ACTG2: variants seen among roughly 807,000 people sequenced by gnomAD.
ACTG2 encodes the protein actin gamma 2, smooth muscle.
Under a neutral mutation model 37.6 loss-of-function variants are expected in ACTG2, and 16 were observed. That is an observed-to-expected ratio of 0.43 (90% CI 0.29 to 0.65). ACTG2 has a LOEUF of 0.65. Among genes scored for constraint, ACTG2 ranks in the 30% least tolerant of loss-of-function variants. The pLI is 0.18. For missense variants in ACTG2, 238 were observed against 490.9 expected, an observed-to-expected ratio of 0.48 and a Z score of 4.87; for synonymous variants, 181 against 179.9, an observed-to-expected ratio of 1.01 and a Z score of -0.05.
intron 3 of ACTG2, 138 bp downstream of exon 3, chr2:73,902,626 C>T: frequency 1.3e-6 from 2 of 1,552,614 alleles, no homozygotes; most frequent in Non-Finnish European, 1.7e-6. Context: ...CTTTTCAGCC[C>T]CACGACCATT....
chr2:73,900,368 AAAAG>A (rs1360023335), intron 1 of ACTG2, among the ~76,000 whole-genome samples: 1 of 152,224 alleles, frequency 6.6e-6, no homozygotes, highest in East Asian at 1.9e-4. Context: ...TTTGTAACTC[AAAAG>A]AAAGAAAGAA....
rs756271325 is a variant in ACTG2, at chr2:73,901,502, C to A, written c.126+65C>A. On this transcript the variant is annotated intron_variant, in intron 2 of 8. Transcript: ENST00000345517. ...AGGAGTAAGCGCTGCACTGTGGAGA[C>A]CCTGCTGAGCTGGGGGTTAGGGGAA... 5.5e-6 allele frequency: 8 copies of A among 1,451,470 alleles called. No individual in the cohort carries two copies. The East Asian group carries it at 1.5e-4, about 28-fold the overall frequency. 89.9% of individuals were successfully genotyped at this position (1,451,470 alleles called of 1,614,324 possible).
At chr2:73,901,532 A>G (rs1573461630) in intron 2 of ACTG2, 95 bp downstream of exon 2, 20 of 1,144,916 alleles carry the variant, frequency 1.7e-5, no homozygotes, top group Middle Eastern at 2.5e-4. Flanking sequence ...GGGGAAGGAA[A>G]TGTGTGTGTG....
intron 1 of ACTG2, among the ~76,000 whole-genome samples, chr2:73,896,238 C>A (rs1679745551): frequency 6.6e-6 from 1 of 151,544 alleles, no homozygotes; most frequent in East Asian, 2.0e-4. Context: ...GCCATCCCAG[C>A]TCCTAGGATG....
rs561278723 is a variant in ACTG2 at position 73,906,321 on chromosome 2, G to T, written c.256-2352G>T. Among the ~76,000 whole-genome samples, 593 of 151,854 alleles carry T rather than the reference G, an allele frequency of 3.9e-3. 1 individual carries two copies. Among genetic ancestry groups the T allele is most frequent in the Non-Finnish European group, 6.3e-3 (429 of 67,884 alleles). ...AAAAAATTAGCCAGGTGTGGTGGTG[G>T]GCACCCGTAGTCCCAGCTACTCGGG... is the stretch of plus-strand genomic sequence containing the variant. On this transcript the variant is annotated intron_variant, in intron 3 of 8. Coordinates refer to ENST00000345517, the MANE Select transcript of ACTG2 (RefSeq NM_001615.4).
intron 7 of ACTG2, 30 bp from the exon 8 acceptor site, chr2:73,916,554 C>T (rs1191169634): frequency 6.3e-7 from 1 of 1,594,698 alleles, no homozygotes; most frequent in Non-Finnish European, 8.6e-7. Flanking sequence ...GAAGTGATGC[C>T]TGTTGACCAG....
intron 1 of ACTG2, among the ~76,000 whole-genome samples, chr2:73,899,494 G>A: frequency 6.6e-6 from 1 of 151,954 alleles, no homozygotes; most frequent in East Asian, 1.9e-4. Flanking sequence ...TTCTGATTCA[G>A]CTCATTTTCT....
Position 73,901,323 on chromosome 2 carries a change from G to A in ACTG2, c.12G>A (p.Glu4=). ...CAGCCACACACACCATGTGTGAAGA[G>A]GAGACCACCGCGCTCGTGTGTGACA... is the stretch of plus-strand genomic sequence containing the variant. The part of the protein sequence containing the change: MCE[E]ETTALVCDNG... The change falls in exon 2 of 9, where the codon GAG becomes GAA. Residue 4 remains glutamate (E), a synonymous_variant. Transcript: ENST00000345517. 6.2e-7 allele frequency: 1 copy of A among 1,608,514 alleles called. No homozygotes were observed. Among genetic ancestry groups the A allele is most frequent in the Non-Finnish European group, 8.5e-7 (1 of 1,176,506 alleles).
At chr2:73,900,930 T>G (rs141895548) in intron 1 of ACTG2, among the ~76,000 whole-genome samples, 170 of 152,288 alleles carry the variant, frequency 1.1e-3, no homozygotes, top group African/African-American at 4.1e-3. Context: ...AATTCCCTCT[T>G]CTTATAAAGA....
chr2:73,901,623 T>C, intron 2 of ACTG2, 186 bp downstream of exon 2: 3 of 1,070,704 alleles, frequency 2.8e-6, no homozygotes, highest in Non-Finnish European at 3.8e-6. Context: ...TGCACATGCG[T>C]GTGTGCACGC....
At chr2:73,906,181 G>A (rs1680010932) in intron 3 of ACTG2, among the ~76,000 whole-genome samples, 1 of 152,046 alleles carries the variant, frequency 6.6e-6, no homozygotes, top group African/African-American at 2.4e-5. Flanking sequence ...GCCGGGCGCG[G>A]TGGCTCACGC....
At chr2:73,908,463 G>T (rs897263662) in intron 3 of ACTG2, 15 of 641,222 alleles carry the variant, frequency 2.3e-5, no homozygotes, top group Non-Finnish European at 4.3e-5. Context: ...GAAAATACTG[G>T]TTCCAGGTCT....
intron 3 of ACTG2, chr2:73,908,242 C>A: frequency 2.1e-6 from 1 of 470,006 alleles, no homozygotes; most frequent in South Asian, 1.5e-5. Context: ...AGGGCCACGC[C>A]ATTGTCAGGA....
intron 1 of ACTG2, 67 bp downstream of exon 1, chr2:73,893,118 G>A (rs1014496012): frequency 6.6e-6 from 1 of 152,422 alleles, no homozygotes; most frequent in East Asian, 1.9e-4. Flanking sequence ...GGTGCGGGAG[G>A]TGCCTCCAGA....
rs1264989703 is a variant in ACTG2 at position 73,913,431 on chromosome 2, A to G, written c.452-54A>G. On this transcript the variant is annotated intron_variant, in intron 5 of 8. Coordinates refer to ENST00000345517, the MANE Select transcript of ACTG2 (RefSeq NM_001615.4). ...TCATTGGTAACAGTCCTAGAAAGAG[A>G]CTGATGAAAGGCAAGAATGAGAATT... is the stretch of plus-strand genomic sequence containing the variant. The G allele has an allele frequency of 6.7e-6, 10 of 1,500,388 alleles. No homozygotes were observed. The East Asian group carries it at 2.4e-4, about 35-fold the overall frequency. The allele number at this position is 1,500,388 out of a possible 1,614,324, so 92.9% of individuals were successfully genotyped here.
chr2:73,896,109 G>A (rs1007213831), intron 1 of ACTG2, among the ~76,000 whole-genome samples: 1 of 152,180 alleles, frequency 6.6e-6, no homozygotes, highest in Non-Finnish European at 1.5e-5. Flanking sequence ...CAAGGCAGTA[G>A]GACAACTGGA....
chr2:73,897,275 A>C (rs1679766761), intron 1 of ACTG2: 1 of 152,108 alleles, frequency 6.6e-6, no homozygotes. Flanking sequence ...TTGGGGAGGG[A>C]GACAAAAGGG....
intron 3 of ACTG2, chr2:73,903,064 C>T: frequency 4.1e-6 from 1 of 242,674 alleles, no homozygotes; most frequent in Non-Finnish European, 7.9e-6. Flanking sequence ...CTAAGTAGAA[C>T]TCTCTCAGGG....
chr2:73,919,590 C>G lies in ACTG2; in HGVS notation c.*15C>G, dbSNP rs772433973. 1.9e-6 allele frequency: 3 copies of G among 1,612,762 alleles called. No homozygotes were observed. Among genetic ancestry groups the G allele is most frequent in the Non-Finnish European group, 2.5e-6 (3 of 1,179,318 alleles). On this transcript the variant is annotated 3_prime_UTR_variant, in exon 9 of 9. Coordinates refer to ENST00000345517, the MANE Select transcript of ACTG2 (RefSeq NM_001615.4). Reference sequence around the variant, plus strand: ...AGTGCTTCTAAAGTCAGAACAGGTTCTCCAAGGATCCCCTCGAGACTACTC... The same window carrying G: ...AGTGCTTCTAAAGTCAGAACAGGTTGTCCAAGGATCCCCTCGAGACTACTC...
Sources: gnomAD v4.1 joint callset for allele counts (sites outside exome capture counted in the v4.1 genomes callset) on GRCh38, gnomAD v4.1.1 for gene constraint, MANE v1.5 for transcripts, NCBI Gene and HGNC (gene_info 2026-07-23, HGNC 2026-07-21) for gene names.